Variants in MGRN1 observed in about 807,000 individuals in gnomAD.
MGRN1 encodes the protein mahogunin ring finger 1, also known as E3 ubiquitin-protein ligase MGRN1.
MGRN1 carries 29 observed loss-of-function variants against 69.2 expected under a neutral mutation model. The ratio of observed to expected loss-of-function variants is 0.42; its 90% CI spans 0.31 to 0.57. The LOEUF is 0.57. MGRN1 is among the 20% of genes least tolerant of loss of function. MGRN1 has a pLI of 0.15. For synonymous variants in MGRN1, 470 were observed against 344.2 expected (o/e 1.37, Z -4.04); for missense variants, 998 against 796.2 (o/e 1.25, Z -3.05).
intron 1 of MGRN1, among the ~76,000 whole-genome samples, chr16:4,630,367 A>AC (rs1236533683): frequency 3.3e-5 from 5 of 151,568 alleles, no homozygotes; most frequent in Admixed American, 1.3e-4. Flanking sequence ...AAAAAAAAAA[A>AC]CAAATAGAAA....
At chr16:4,642,457 C>T (rs1305801438) in intron 1 of MGRN1, among the ~76,000 whole-genome samples, 1 of 139,122 alleles carries the variant, frequency 7.2e-6, no homozygotes, top group Non-Finnish European at 1.5e-5. Context: ...ACCACCACGG[C>T]CAGCTAATTT....
chr16:4,657,087 G>A (rs1428647808), intron 4 of MGRN1, among the ~76,000 whole-genome samples, 159 bp from the exon 5 acceptor site: 1 of 152,170 alleles, frequency 6.6e-6, no homozygotes, highest in Non-Finnish European at 1.5e-5. Flanking sequence ...CTGGAAGGGT[G>A]AGGGCCACGT....
intron 4 of MGRN1, among the ~76,000 whole-genome samples, chr16:4,655,542 T>A (rs2078517311): frequency 6.6e-6 from 1 of 150,850 alleles, no homozygotes; most frequent in Admixed American, 6.6e-5. Flanking sequence ...CCAGCGGGGA[T>A]CACAGAGCAG....
intron 1 of MGRN1, among the ~76,000 whole-genome samples, chr16:4,647,560 A>C (rs1269755304): frequency 6.6e-6 from 1 of 152,230 alleles, no homozygotes; most frequent in African/African-American, 2.4e-5. Context: ...GTGTCCTTCC[A>C]GAACATTCTC....
At position 4,673,480 on chromosome 16, in the gene MGRN1, A is replaced by G; in HGVS notation, c.796-18A>G. The G allele has an allele frequency of 1.2e-6, 2 of 1,609,276 alleles. No homozygotes were observed. The highest frequency in any genetic ancestry group is 8.5e-7 in the Non-Finnish European group (1 of 1,179,012). Reference sequence around the variant, plus strand: ...GGCCTTTGGGAGGCTGCTGACCCACAAGCCCTTGTCCCGGCAGCCCTCGGA... The same window carrying G: ...GGCCTTTGGGAGGCTGCTGACCCACGAGCCCTTGTCCCGGCAGCCCTCGGA... On this transcript the variant is annotated intron_variant, in intron 9 of 16. Transcript: ENST00000262370.
chr16:4,655,911 C>T (rs1388817982), intron 4 of MGRN1, among the ~76,000 whole-genome samples: 3 of 152,252 alleles, frequency 2.0e-5, no homozygotes, highest in South Asian at 2.1e-4. Flanking sequence ...CTGAGGGTGG[C>T]GTCTTAACTG....
In MGRN1 at chr16:4,680,031, G is replaced by T; in HGVS notation, c.1066-1G>T. On this transcript the variant is annotated splice_acceptor_variant, in intron 11 of 16. Coordinates refer to ENST00000262370, the MANE Select transcript of MGRN1 (RefSeq NM_015246.4). LOFTEE classifies it high-confidence loss of function. Reference sequence around the variant, plus strand: ...AAAACATATGATTTTTATCTTGACAGTGTCCCTTTAAAAAATCAAAGCCGC... The same window carrying T: ...AAAACATATGATTTTTATCTTGACATTGTCCCTTTAAAAAATCAAAGCCGC... The T allele has an allele frequency of 1.2e-6, 2 of 1,613,878 alleles. No homozygotes were observed. The highest frequency in any genetic ancestry group is 1.7e-6 in the Non-Finnish European group (2 of 1,179,844).
In MGRN1 at chr16:4,651,968, C is replaced by T. The variant is rs376902005; in HGVS notation, c.213C>T (p.Pro71=). 1.9e-6 allele frequency: 3 copies of T among 1,613,830 alleles called. No individual in the cohort carries two copies. Among genetic ancestry groups the T allele is most frequent in the African/African-American group, 2.7e-5 (2 of 74,868 alleles). The change falls in exon 3 of 17, where the codon CCC becomes CCT. Residue 71 remains proline (P), a synonymous_variant. Coordinates refer to ENST00000262370, the MANE Select transcript of MGRN1 (RefSeq NM_015246.4). The part of the protein sequence containing the change: ...NFLGSRPVQF[P]YVTPAPHEPV... ...CCCTGTGGTTTTTCTCCTAGTTTCC[C>T]TACGTCACTCCTGCCCCCCACGAGC...
At chr16:4,641,977 C>T (rs2078169374) in intron 1 of MGRN1, among the ~76,000 whole-genome samples, 1 of 151,894 alleles carries the variant, frequency 6.6e-6, no homozygotes, top group Non-Finnish European at 1.5e-5. Flanking sequence ...GAGGTGTTTC[C>T]AGTTCTTCCC....
intron 1 of MGRN1, among the ~76,000 whole-genome samples, chr16:4,627,327 G>GCA (rs1272874405): frequency 2.0e-5 from 3 of 152,152 alleles, no homozygotes; most frequent in African/African-American, 7.2e-5. Context: ...TTTTCTTAAG[G>GCA]GAACTTTCAG....
intron 1 of MGRN1, chr16:4,639,945 C>T (rs1197245583): frequency 6.6e-6 from 1 of 152,388 alleles, no homozygotes; most frequent in Non-Finnish European, 1.5e-5. Context: ...CTCCGCGGCT[C>T]CGACGGTGTT....
At position 4,674,252 on chromosome 16, in the gene MGRN1, G is replaced by C. The variant is rs928717996; in HGVS notation, c.955+595G>C. ...GCCTGCCTCAGCCTCTCAAAGTGCT[G>C]GTGTTACAGGCATGAGCCACCATGC... On this transcript the variant is annotated intron_variant, in intron 10 of 16. Coordinates refer to ENST00000262370, the MANE Select transcript of MGRN1 (RefSeq NM_015246.4). Among the ~76,000 whole-genome samples the C allele has an allele frequency of 3.3e-5, 5 of 152,196 alleles. No homozygotes were observed. In the East Asian group the frequency reaches 7.7e-4, roughly 24 times the overall value.
chr16:4,650,522 TG>T, intron 2 of MGRN1, 39 bp downstream of exon 2: 1 of 1,498,444 alleles, frequency 6.7e-7, no homozygotes, highest in Non-Finnish European at 9.1e-7. Flanking sequence ...GCTGTGGGGG[TG>T]GGAGGCCCCT....
chr16:4,654,738 G>C (rs986664362), intron 4 of MGRN1, among the ~76,000 whole-genome samples: 7 of 152,240 alleles, frequency 4.6e-5, no homozygotes, highest in Non-Finnish European at 1.0e-4. Flanking sequence ...CGCGTGACAG[G>C]TGCTCTTGAA....
rs183606877 is a variant in MGRN1, at chr16:4,648,208, C to T, written c.89-2157C>T. Among the ~76,000 whole-genome samples, 151 of 152,258 alleles carry T rather than the reference C, an allele frequency of 9.9e-4. 1 individual carries two copies. The highest frequency in any genetic ancestry group is 3.1e-3 in the African/African-American group (130 of 41,508). On this transcript the variant is annotated intron_variant, in intron 1 of 16. Transcript: ENST00000262370. Reference sequence around the variant, plus strand: ...GAGCATCCTTGAAATCCACAGGTCCCTGCAGCTACCCGGGTCCTCCCCTCG... The same window carrying T: ...GAGCATCCTTGAAATCCACAGGTCCTTGCAGCTACCCGGGTCCTCCCCTCG...
At chr16:4,665,007 C>A in intron 6 of MGRN1, 95 bp from the exon 7 acceptor site, 1 of 1,430,566 alleles carries the variant, frequency 7.0e-7, no homozygotes, top group Non-Finnish European at 9.8e-7. Flanking sequence ...GCAGGCTGAG[C>A]CCTCGGTGCC....
intron 1 of MGRN1, among the ~76,000 whole-genome samples, chr16:4,637,118 C>CA (rs36033548): frequency 0.035 from 1,672 of 47,906 alleles, 60 homozygotes; most frequent in African/African-American, 0.1. Context: ...GACTCCATCT[C>CA]AAAAAAAAAA....
Position 4,650,441 on chromosome 16 carries a change from A to G in MGRN1, c.165A>G (p.Gly55=), listed in dbSNP as rs367736595. ...DTPHPEGYLF[G]ENMDLNFLGS... is the part of the protein sequence containing the mutation. ...CCCACCCTGAAGGTTACCTCTTTGG[A>G]GAGAACATGGATCTGAACTTCCTGG... Residue 55 remains glycine (G), a synonymous_variant, in exon 2 of 17, where the codon GGA becomes GGG. Coordinates refer to ENST00000262370, the MANE Select transcript of MGRN1 (RefSeq NM_015246.4). 1 of 1,613,804 alleles carries G rather than the reference A, an allele frequency of 6.2e-7. No individual in the cohort carries two copies. Among genetic ancestry groups the G allele is most frequent in the Non-Finnish European group, 8.5e-7 (1 of 1,179,960 alleles).
chr16:4,687,373 C>T, intron 16 of MGRN1: 2 of 928,724 alleles, frequency 2.2e-6, no homozygotes, highest in Non-Finnish European at 2.6e-6. Context: ...ACATAGACCC[C>T]CTCTCTATGA....
Sources: gnomAD v4.1 joint callset for allele counts (sites outside exome capture counted in the v4.1 genomes callset) on GRCh38, gnomAD v4.1.1 for gene constraint, MANE v1.5 for transcripts, NCBI Gene and HGNC (gene_info 2026-07-23, HGNC 2026-07-21) for gene names.